HDAC8: variants seen among roughly 807,000 people sequenced by gnomAD.
HDAC8 encodes histone deacetylase-like 1.
HDAC8 carries 1 observed loss-of-function variant against 32.2 expected under a neutral mutation model. The observed-to-expected ratio is 0.03, with a 90% confidence interval of 0.01 to 0.15. HDAC8 has a LOEUF of 0.15. HDAC8 is among the 10% of genes least tolerant of loss of function. HDAC8 has a pLI of 1.00. For synonymous variants in HDAC8, 108 were observed against 113.9 expected, an observed-to-expected ratio of 0.95 and a Z score of 0.33; for missense variants, 117 against 300.0, an observed-to-expected ratio of 0.39 and a Z score of 4.51.
At chrX:72,414,410 T>C (rs1396948093) in intron 9 of HDAC8, among the ~76,000 whole-genome samples, 2 of 111,363 alleles carry the variant, frequency 1.8e-5, no homozygotes, top group East Asian at 5.6e-4. Flanking sequence ...GACCCCAGAA[T>C]TTGGAGCTAG....
At chrX:72,347,151 C>T (rs2044052943) in intron 10 of HDAC8, among the ~76,000 whole-genome samples, 1 of 111,734 alleles carries the variant, frequency 8.9e-6, no homozygotes, top group South Asian at 3.8e-4. Context: ...TTGGCCAAGT[C>T]ACCTATCCTC....
rs150700563 is a variant in HDAC8 at position 72,358,030 on chromosome X, G to A, written c.1006-6192C>T. On this transcript the variant is annotated intron_variant, in intron 9 of 10. Coordinates refer to ENST00000373573, the MANE Select transcript of HDAC8 (RefSeq NM_018486.3). ...GGCGATTCTCCTGCCTCAGCCTCCCGAGTAGCTGGGATTATAGGCGCGCAC... is the reference window on the plus strand; with the variant it reads ...GGCGATTCTCCTGCCTCAGCCTCCCAAGTAGCTGGGATTATAGGCGCGCAC... Among the ~76,000 whole-genome samples the A allele has an allele frequency of 4.8e-3, 520 of 109,449 alleles. 12 individuals are homozygous for A. Among genetic ancestry groups the A allele is most frequent in the Admixed American group, 0.036 (372 of 10,215 alleles).
At chrX:72,422,716 G>T (rs1415152628) in intron 9 of HDAC8, among the ~76,000 whole-genome samples, 3 of 112,061 alleles carry the variant, frequency 2.7e-5, no homozygotes, top group Non-Finnish European at 5.6e-5. Context: ...AGGCATCTGG[G>T]TTGTTCATCC....
intron 4 of HDAC8, among the ~76,000 whole-genome samples, chrX:72,562,096 T>A (rs2051585188): frequency 8.9e-6 from 1 of 112,247 alleles, no homozygotes; most frequent in South Asian, 3.7e-4. Flanking sequence ...TGTAAACTAG[T>A]ACAATCACTA....
chrX:72,431,281 G>A (rs544520384), intron 9 of HDAC8, among the ~76,000 whole-genome samples: 3 of 112,067 alleles, frequency 2.7e-5, no homozygotes, highest in African/African-American at 6.5e-5. Flanking sequence ...CTGGACAGAC[G>A]AGTATCATGG....
At chrX:72,500,365 T>C (rs968156766) in intron 4 of HDAC8, among the ~76,000 whole-genome samples, 4 of 111,688 alleles carry the variant, frequency 3.6e-5, no homozygotes, top group African/African-American at 1.3e-4. Flanking sequence ...TGAATACTAA[T>C]GCAAAAATCC....
intron 8 of HDAC8, chrX:72,462,447 C>A: frequency 7.1e-6 from 1 of 140,753 alleles, no homozygotes; most frequent in Admixed American, 8.5e-5. Flanking sequence ...GGTGATCTAC[C>A]CAATGGAAAG....
intron 7 of HDAC8, among the ~76,000 whole-genome samples, chrX:72,475,834 A>C (rs1051455031): frequency 1.8e-5 from 2 of 111,763 alleles, no homozygotes; most frequent in African/African-American, 6.5e-5. Context: ...AACCAACCAA[A>C]CAACCAACCA....
At chrX:72,541,172 G>A (rs1300249082) in intron 4 of HDAC8, among the ~76,000 whole-genome samples, 8 of 100,822 alleles carry the variant, frequency 7.9e-5, no homozygotes, top group Non-Finnish European at 1.2e-4. Context: ...TTTTTTTCTC[G>A]TGCGCAAATT....
chrX:72,554,505 G>GAGGGCGGGA, intron 4 of HDAC8, among the ~76,000 whole-genome samples: 1 of 91,122 alleles, frequency 1.1e-5, no homozygotes, highest in East Asian at 3.5e-4. Flanking sequence ...GGGGAGCGGG[G>GAGGGCGGGA]AGGGCGGGGA....
chrX:72,473,759 A>T, intron 7 of HDAC8: 2 of 754,339 alleles, frequency 2.7e-6, no homozygotes, highest in Non-Finnish European at 3.1e-6. Context: ...TGTTGCCAAA[A>T]CTTTACTGGG....
intron 4 of HDAC8, among the ~76,000 whole-genome samples, chrX:72,523,532 G>A (rs897358063): frequency 1.8e-5 from 2 of 110,859 alleles, no homozygotes; most frequent in African/African-American, 6.6e-5. Flanking sequence ...AATGTTGCCA[G>A]TTCCTTCTCA....
chrX:72,441,478 T>C (rs1481856793), intron 9 of HDAC8, among the ~76,000 whole-genome samples: 1 of 112,377 alleles, frequency 8.9e-6, no homozygotes, highest in Non-Finnish European at 1.9e-5. Context: ...CTGAGGGTCC[T>C]GTCTGTTAGG....
intron 7 of HDAC8, among the ~76,000 whole-genome samples, chrX:72,471,598 T>G (rs1200208922): frequency 2.7e-5 from 3 of 112,588 alleles, no homozygotes; most frequent in Non-Finnish European, 5.6e-5. Flanking sequence ...TTTTTCTGAT[T>G]AGTAATAAAG....
At chrX:72,520,146 T>C (rs2049937396) in intron 4 of HDAC8, among the ~76,000 whole-genome samples, 1 of 112,125 alleles carries the variant, frequency 8.9e-6, no homozygotes, top group Non-Finnish European at 1.9e-5. Context: ...ACCATGCTTT[T>C]GTTGTTATAT....
At chrX:72,355,872 T>C (rs1326592960) in intron 9 of HDAC8, among the ~76,000 whole-genome samples, 1 of 112,273 alleles carries the variant, frequency 8.9e-6, no homozygotes, top group African/African-American at 3.2e-5. Context: ...TTAGTAAGTA[T>C]CTACTATGTG....
chrX:72,361,772 A>G (rs1219037691), intron 9 of HDAC8, among the ~76,000 whole-genome samples: 1 of 110,911 alleles, frequency 9.0e-6, no homozygotes, highest in Non-Finnish European at 1.9e-5. Context: ...ATGACAATCA[A>G]ATAGAGAGGG....
chrX:72,562,994 G>A (rs2051636366), intron 4 of HDAC8, among the ~76,000 whole-genome samples: 1 of 106,925 alleles, frequency 9.4e-6, no homozygotes, highest in Non-Finnish European at 1.9e-5. Context: ...CGATTCTCCT[G>A]CCTCAGCCTC....
At chrX:72,449,429 G>T (rs1271727877) in intron 9 of HDAC8, among the ~76,000 whole-genome samples, 3 of 110,734 alleles carry the variant, frequency 2.7e-5, no homozygotes, top group African/African-American at 9.9e-5. Context: ...GTCCTGTTGG[G>T]GTTGGGGGCC....
Sources: gnomAD v4.1 joint callset for allele counts (sites outside exome capture counted in the v4.1 genomes callset) on GRCh38, gnomAD v4.1.1 for gene constraint, MANE v1.5 for transcripts, NCBI Gene and HGNC (gene_info 2026-07-23, HGNC 2026-07-21) for gene names.